The following FAM13C variants were observed in gnomAD, a reference collection of about 807,000 sequenced individuals.
FAM13C encodes the protein family with sequence similarity 13 member C, also known as protein FAM13C.
FAM13C carries 37 observed loss-of-function variants against 73.2 expected under a neutral mutation model. That is an observed-to-expected ratio of 0.51 (90% CI 0.39 to 0.67). The LOEUF (loss-of-function observed/expected upper bound fraction) is 0.67, where lower values mean the gene tolerates loss of function less well. Among genes scored for constraint, FAM13C ranks in the 30% least tolerant of loss-of-function variants. FAM13C has a pLI of 0.00. For synonymous variants in FAM13C, 246 were observed against 260.9 expected (o/e 0.94, Z 0.55); for missense variants, 589 against 715.6 (o/e 0.82, Z 2.02).
At chr10:59,256,985 T>G (rs1842004572) in intron 10 of FAM13C, among the ~76,000 whole-genome samples, 1 of 152,184 alleles carries the variant, frequency 6.6e-6, no homozygotes, top group South Asian at 2.1e-4. Context: ...TTTTGTTTTA[T>G]GAATGAAGGA....
In FAM13C at chr10:59,252,863, G is replaced by T. The variant is rs1405045594; in HGVS notation, c.1468C>A (p.Pro490Thr). 2 of 1,613,918 alleles carry T rather than the reference G, an allele frequency of 1.2e-6. No homozygotes were observed. Among genetic ancestry groups the T allele is most frequent in the African/African-American group, 2.7e-5 (2 of 74,908 alleles). ...NETEPVRALL[P>T]DEKKEVKPPA... ...GGTTTTACTTCTTTCTTTTCATCTG[G>T]TAAAAGGGCCCTAACAGGCTCAGTC... The change falls in exon 12 of 14, where the codon CCA becomes ACA. Residue 490 changes from proline (P) to threonine (T), a missense_variant. Transcript: ENST00000618804.
rs1397297297 is a variant in FAM13C, at chr10:59,246,425, T to C, written c.*1189A>G. 1 of 359,828 alleles carries C rather than the reference T, an allele frequency of 2.8e-6. No individual in the cohort carries two copies. Among genetic ancestry groups the C allele is most frequent in the Non-Finnish European group, 5.0e-6 (1 of 201,802 alleles). The allele number at this position is 359,828 out of a possible 1,614,324, so 22.3% of individuals were successfully genotyped here. On this transcript the variant is annotated 3_prime_UTR_variant, in exon 14 of 14. Coordinates refer to ENST00000618804, the MANE Select transcript of FAM13C (RefSeq NM_198215.4). ...ATAAGTCTGTTTCTGAAATAGTCAA[T>C]AGTCTTCCCATCCAAACTATAAGAG...
chr10:59,314,074 C>G (rs1404717851), intron 4 of FAM13C, among the ~76,000 whole-genome samples: 1 of 152,046 alleles, frequency 6.6e-6, no homozygotes, highest in Non-Finnish European at 1.5e-5. Flanking sequence ...CTACAGAGAT[C>G]AACATGGGCT....
chr10:59,324,508 TCA>T (rs140864889), intron 3 of FAM13C, among the ~76,000 whole-genome samples: 6 of 148,826 alleles, frequency 4.0e-5, no homozygotes, highest in East Asian at 2.0e-4. Context: ...TCACACATAC[TCA>T]CACACACACA....
intron 3 of FAM13C, among the ~76,000 whole-genome samples, chr10:59,338,125 C>G (rs1460118309): frequency 6.6e-6 from 1 of 152,146 alleles, no homozygotes; most frequent in African/African-American, 2.4e-5. Context: ...CTCATTTAAT[C>G]TTTCAAATAA....
intron 5 of FAM13C, among the ~76,000 whole-genome samples, chr10:59,295,491 C>T (rs1344849226): frequency 6.6e-6 from 1 of 152,090 alleles, no homozygotes; most frequent in African/African-American, 2.4e-5. Flanking sequence ...AGTTGCACAA[C>T]TACAAGGAAC....
chr10:59,278,789 T>C (rs896982481), intron 6 of FAM13C, among the ~76,000 whole-genome samples: 2 of 152,100 alleles, frequency 1.3e-5, no homozygotes, highest in Non-Finnish European at 2.9e-5. Context: ...TGAATATATA[T>C]AAAGGCTCTA....
Position 59,251,439 on chromosome 10 carries a change from A to G in FAM13C, c.1634+136T>C, listed in dbSNP as rs1179084995. The G allele has an allele frequency of 1.4e-5, 11 of 766,362 alleles. No homozygotes were observed. In the South Asian group the frequency reaches 1.6e-4, roughly 11 times the overall value. The allele number at this position is 766,362 out of a possible 1,614,324, so 47.5% of individuals were successfully genotyped here. A position where few individuals can be genotyped will look rare whatever the true frequency, so the allele number is the denominator to read the frequency against. ...CACTATTAGAATGTTGCATTGGACA[A>G]ATCCTGAGTCTAAGCCAGTGTGGAA... On this transcript the variant is annotated intron_variant, in intron 13 of 13. Coordinates refer to ENST00000618804, the MANE Select transcript of FAM13C (RefSeq NM_198215.4).
At chr10:59,277,995 GT>G (rs1485341872) in intron 6 of FAM13C, among the ~76,000 whole-genome samples, 11 of 152,190 alleles carry the variant, frequency 7.2e-5, no homozygotes, top group Non-Finnish European at 1.6e-4. Flanking sequence ...AAAGAAAGAG[GT>G]TTATTGGACT....
Position 59,331,403 on chromosome 10 carries a change from C to A in FAM13C, c.325-7297G>T, listed in dbSNP as rs139221139. On this transcript the variant is annotated intron_variant, in intron 3 of 13. Transcript: ENST00000618804. ...AGAGCATGGAATGTTCAAGGAACTCCGGATGGGTGACTATTTTTAGAGTGA... is the reference window on the plus strand; with the variant it reads ...AGAGCATGGAATGTTCAAGGAACTCAGGATGGGTGACTATTTTTAGAGTGA... Among the ~76,000 whole-genome samples, 4 of 152,078 alleles carry A rather than the reference C, an allele frequency of 2.6e-5. No individual in the cohort carries two copies. In the South Asian group the frequency reaches 8.3e-4, roughly 32 times the overall value.
At chr10:59,258,350 G>A (rs947841540) in intron 10 of FAM13C, among the ~76,000 whole-genome samples, 3 of 152,174 alleles carry the variant, frequency 2.0e-5, no homozygotes, top group African/African-American at 7.2e-5. Context: ...AGGCATGGTG[G>A]TGCACACCTG....
rs1003546163 is a variant in FAM13C, at chr10:59,324,115, A to G, written c.325-9T>C. ...ACCACATGCTCTGTCTCCTGCAAGA[A>G]GAAAGAGCAAAAGTAGATGAGCTGT... On this transcript the variant is annotated splice_polypyrimidine_tract_variant and intron_variant, in intron 3 of 13. Coordinates refer to ENST00000618804, the MANE Select transcript of FAM13C (RefSeq NM_198215.4). 3.9e-5 allele frequency: 62 copies of G among 1,607,608 alleles called. No homozygotes were observed. Among genetic ancestry groups the G allele is most frequent in the Non-Finnish European group, 5.0e-5 (59 of 1,175,428 alleles).
intron 10 of FAM13C, among the ~76,000 whole-genome samples, chr10:59,254,788 A>G (rs1841789670): frequency 6.6e-6 from 1 of 151,982 alleles, no homozygotes; most frequent in Non-Finnish European, 1.5e-5. Flanking sequence ...TATTTTTAGT[A>G]GATACAGGGT....
At position 59,350,297 on chromosome 10, in the gene FAM13C, T is replaced by A. The variant is rs995861146; in HGVS notation, c.324+1973A>T. On this transcript the variant is annotated intron_variant, in intron 3 of 13. Transcript: ENST00000618804. The stretch of plus-strand genomic sequence containing the variant: ...AACAGGCTGGGAATTACATGCCCCA[T>A]TAGCACCTTATTACAAGTGACAACT... Among the ~76,000 whole-genome samples the A allele has an allele frequency of 2.0e-5, 3 of 152,198 alleles. 1 individual carries two copies. In the South Asian group the frequency reaches 6.2e-4, roughly 32 times the overall value.
At chr10:59,281,647 C>T (rs1172072699) in intron 6 of FAM13C, among the ~76,000 whole-genome samples, 1 of 152,200 alleles carries the variant, frequency 6.6e-6, no homozygotes, top group African/African-American at 2.4e-5. Flanking sequence ...TCCGTGTGAG[C>T]AATCCCTACA....
chr10:59,286,464 G>A (rs904653431), intron 5 of FAM13C, among the ~76,000 whole-genome samples: 1 of 148,838 alleles, frequency 6.7e-6, no homozygotes, highest in Non-Finnish European at 1.5e-5. Flanking sequence ...GCAGTGAGCT[G>A]AGATTGTACC....
Position 59,313,369 on chromosome 10 carries a change from A to G in FAM13C, c.444-10505T>C, listed in dbSNP as rs567905384. Among the ~76,000 whole-genome samples, 11 of 152,328 alleles carry G rather than the reference A, an allele frequency of 7.2e-5. No homozygotes were observed. In the South Asian group the frequency reaches 2.3e-3, roughly 32 times the overall value. On this transcript the variant is annotated intron_variant, in intron 4 of 13. Transcript: ENST00000618804. ...CATTACCAAGAAACAACCACTTGTC[A>G]TGCAATAGCCTGGGTCTCCTTTGTT...
chr10:59,260,272 T>C (rs1842368915), intron 10 of FAM13C, among the ~76,000 whole-genome samples: 2 of 152,218 alleles, frequency 1.3e-5, no homozygotes, highest in African/African-American at 4.8e-5. Context: ...ATCTGTTAAA[T>C]GTAATCACGT....
intron 1 of FAM13C, among the ~76,000 whole-genome samples, chr10:59,357,761 T>G (rs1011137947): frequency 6.6e-6 from 1 of 152,230 alleles, no homozygotes; most frequent in Non-Finnish European, 1.5e-5. Context: ...AGACTCACAT[T>G]TTATGTAGCA....
Sources: allele counts gnomAD v4.1 joint callset (sites outside exome capture counted in the v4.1 genomes callset), GRCh38; gene constraint gnomAD v4.1.1; transcripts MANE v1.5; gene names NCBI Gene and HGNC (gene_info 2026-07-23, HGNC 2026-07-21).